The following PSPH variants were observed in gnomAD, a reference collection of about 807,000 sequenced individuals.
PSPH encodes the protein L-3-phosphoserine phosphatase.
Under a neutral mutation model 23.4 loss-of-function variants are expected in PSPH, and 16 were observed. That is an observed-to-expected ratio of 0.68 (90% CI 0.46 to 1.04). The LOEUF is 1.04. Among genes scored for constraint, PSPH ranks in the 50% least tolerant of loss-of-function variants. The probability of loss-of-function intolerance (pLI) is 0.00; values close to 1 mark genes in which losing one functional copy is unlikely to be tolerated. For synonymous variants in PSPH, 68 were observed against 99.7 expected, an observed-to-expected ratio of 0.68 and a Z score of 1.89; for missense variants, 223 against 273.7, an observed-to-expected ratio of 0.81 and a Z score of 1.31.
intron 6 of PSPH, 118 bp from the exon 7 acceptor site, chr7:56,015,289 G>C (rs919946473): frequency 1.7e-6 from 2 of 1,164,586 alleles, no homozygotes; most frequent in Non-Finnish European, 2.6e-6. Flanking sequence ...AATGGCCGTC[G>C]GTAAAGTCAC....
At chr7:56,031,219 A>G (rs1790953853) in intron 3 of PSPH, among the ~76,000 whole-genome samples, 1 of 146,020 alleles carries the variant, frequency 6.8e-6, no homozygotes, top group Non-Finnish European at 1.5e-5. Context: ...CTCCGTCTCA[A>G]AAAAAAAAAA....
At chr7:56,034,442 G>A (rs1375347276) in intron 1 of PSPH, among the ~76,000 whole-genome samples, 2 of 152,200 alleles carry the variant, frequency 1.3e-5, no homozygotes, top group African/African-American at 4.8e-5. Context: ...TCCGTCGGGG[G>A]GCCTCTTTTG....
chr7:56,038,973 G>A (rs1345320980), intron 1 of PSPH, among the ~76,000 whole-genome samples: 1 of 151,738 alleles, frequency 6.6e-6, no homozygotes, highest in Non-Finnish European at 1.5e-5. Flanking sequence ...GAGAAACCCC[G>A]TCTCCACTAA....
At position 56,045,365 on chromosome 7, in the gene PSPH, A is replaced by T. The variant is rs1360130148; in HGVS notation, c.-292+5773T>A. Among the ~76,000 whole-genome samples the T allele has an allele frequency of 3.3e-5, 5 of 152,092 alleles. No individual in the cohort carries two copies. In the East Asian group the frequency reaches 9.7e-4, roughly 29 times the overall value. Reference sequence around the variant, plus strand: ...GTCTCTGCAAAAAAATTAGCCAGGCATGATGGTGGATCACTTGAGCCCAGA... The same window carrying T: ...GTCTCTGCAAAAAAATTAGCCAGGCTTGATGGTGGATCACTTGAGCCCAGA... On this transcript the variant is annotated intron_variant, in intron 1 of 7. Transcript: ENST00000275605.
chr7:56,013,729 T>G (rs1322046967), intron 7 of PSPH, among the ~76,000 whole-genome samples: 2 of 151,334 alleles, frequency 1.3e-5, no homozygotes, highest in Non-Finnish European at 2.9e-5. Flanking sequence ...AGACCCTGTC[T>G]CCAAAAAATA....
chr7:56,032,553 G>A (rs536211678), intron 2 of PSPH, among the ~76,000 whole-genome samples: 73 of 140,326 alleles, frequency 5.2e-4, no homozygotes, highest in African/African-American at 1.8e-3. Flanking sequence ...CCAGCTACTC[G>A]GGAGGCTGAG....
rs189399759 is a variant in PSPH at position 56,015,251 on chromosome 7, T to A, written c.422-80A>T. ...CCAGCTTTCTGCATAGATGATATCT[T>A]CACTTAAATGTCACTGAGAAGGCTA... On this transcript the variant is annotated intron_variant, in intron 6 of 7. Coordinates refer to ENST00000275605, the MANE Select transcript of PSPH (RefSeq NM_004577.4). 1.1e-4 allele frequency: 173 copies of A among 1,527,508 alleles called. No homozygotes were observed. In the African/African-American group the frequency reaches 1.8e-3, roughly 16 times the overall value. 94.6% of individuals were successfully genotyped at this position (1,527,508 alleles called of 1,614,324 possible).
intron 3 of PSPH, among the ~76,000 whole-genome samples, chr7:56,027,384 A>T (rs1790353008): frequency 6.6e-6 from 1 of 152,154 alleles, no homozygotes; most frequent in South Asian, 2.1e-4. Context: ...AGAGGTTTCC[A>T]GTCTTGTCGA....
At chr7:56,027,971 A>G (rs1468691273) in intron 3 of PSPH, among the ~76,000 whole-genome samples, 1 of 144,208 alleles carries the variant, frequency 6.9e-6, no homozygotes, top group Non-Finnish European at 1.5e-5. Context: ...TGGTGGGAGG[A>G]TGGCTTGAGT....
chr7:56,044,557 AAC>A (rs1379587554), intron 1 of PSPH, among the ~76,000 whole-genome samples: 2 of 152,182 alleles, frequency 1.3e-5, no homozygotes, highest in Non-Finnish European at 2.9e-5. Context: ...ACATTTAATT[AAC>A]AGTGTAAGAA....
At position 56,045,622 on chromosome 7, in the gene PSPH, C is replaced by G. The variant is rs191993847; in HGVS notation, c.-292+5516G>C. ...AGACTCCTGGCCAGGCGCGGTGGCTCCAGGCCTGTAATCCCAGGACTTTGG... is the reference window on the plus strand; with the variant it reads ...AGACTCCTGGCCAGGCGCGGTGGCTGCAGGCCTGTAATCCCAGGACTTTGG... On this transcript the variant is annotated intron_variant, in intron 1 of 7. Coordinates refer to ENST00000275605, the MANE Select transcript of PSPH (RefSeq NM_004577.4). Among the ~76,000 whole-genome samples the G allele has an allele frequency of 5.2e-3, 788 of 151,942 alleles. 4 individuals are homozygous for G. Among genetic ancestry groups the G allele is most frequent in the African/African-American group, 0.018 (752 of 41,474 alleles).
intron 3 of PSPH, among the ~76,000 whole-genome samples, chr7:56,024,315 G>C (rs1789873283): frequency 6.6e-6 from 1 of 151,100 alleles, no homozygotes; most frequent in African/African-American, 2.4e-5. Context: ...GGGCTCAAGT[G>C]AACCTTCCAT....
intron 1 of PSPH, among the ~76,000 whole-genome samples, chr7:56,049,563 C>A (rs187755816): frequency 1.3e-5 from 2 of 151,992 alleles, no homozygotes; most frequent in East Asian, 1.9e-4. Flanking sequence ...CTCAGCCTCC[C>A]GAGGAACTGG....
intron 7 of PSPH, among the ~76,000 whole-genome samples, chr7:56,013,389 T>C (rs1279502250): frequency 6.6e-6 from 1 of 151,792 alleles, no homozygotes; most frequent in Non-Finnish European, 1.5e-5. Flanking sequence ...TGTGGTGGCA[T>C]GCGCCTGCAG....
chr7:56,046,850 C>T (rs561176595), intron 1 of PSPH, among the ~76,000 whole-genome samples: 44 of 151,660 alleles, frequency 2.9e-4, no homozygotes, highest in African/African-American at 1.0e-3. Flanking sequence ...CCACTACACC[C>T]AGCTGAAATC....
At chr7:56,042,724 C>T (rs1437517929) in intron 1 of PSPH, among the ~76,000 whole-genome samples, 1 of 151,148 alleles carries the variant, frequency 6.6e-6, no homozygotes, top group Non-Finnish European at 1.5e-5. Flanking sequence ...TGGCACATGC[C>T]TATAATGCCA....
At chr7:56,020,845 T>C (rs891966662) in intron 4 of PSPH, among the ~76,000 whole-genome samples, 1 of 151,956 alleles carries the variant, frequency 6.6e-6, no homozygotes, top group African/African-American at 2.4e-5. Flanking sequence ...CCATCTTCTT[T>C]AGTTAGTGAC....
rs34727399 is a variant in PSPH at position 56,011,528 on chromosome 7, C to CAA, written c.*232_*233dup. On this transcript the variant is annotated 3_prime_UTR_variant, in exon 8 of 8. Coordinates refer to ENST00000275605, the MANE Select transcript of PSPH (RefSeq NM_004577.4). ...TGGGCAACAGAGCAAGATTCTGTCTCAAAAAAAAAAAAAACCTCTCCAGGA... is the reference window on the plus strand; with the variant it reads ...TGGGCAACAGAGCAAGATTCTGTCTCAAAAAAAAAAAAAAAACCTCTCCAGGA... 0.01 allele frequency: 2,311 copies of CAA among 224,942 alleles called. No homozygotes were observed. Among genetic ancestry groups the CAA allele is most frequent in the South Asian group, 0.025 (501 of 20,116 alleles). 13.9% of individuals were successfully genotyped at this position (224,942 alleles called of 1,614,324 possible).
intron 1 of PSPH, among the ~76,000 whole-genome samples, chr7:56,048,549 G>A (rs751289001): frequency 1.4e-4 from 22 of 152,292 alleles, no homozygotes; most frequent in South Asian, 4.1e-4. Flanking sequence ...CGGCATCACT[G>A]TAATTTCTTA....
Sources: allele counts gnomAD v4.1 joint callset (sites outside exome capture counted in the v4.1 genomes callset), GRCh38; gene constraint gnomAD v4.1.1; transcripts MANE v1.5; gene names NCBI Gene and HGNC (gene_info 2026-07-23, HGNC 2026-07-21).